Variants in CSMD1 observed in about 807,000 individuals in gnomAD.
CSMD1 encodes CUB and sushi domain-containing protein 1.
A neutral mutation model predicts 417.5 loss-of-function variants in CSMD1; 213 were observed. The ratio of observed to expected loss-of-function variants is 0.51; its 90% confidence interval spans 0.46 to 0.57. The LOEUF (loss-of-function observed/expected upper bound fraction) is 0.57, where lower values mean the gene tolerates loss of function less well. Among genes scored for constraint, CSMD1 ranks in the 20% least tolerant of loss-of-function variants. CSMD1 has a pLI of 0.00. For synonymous variants in CSMD1, 2,862 were observed against 1,736.8 expected (o/e 1.65, Z -16.11); for missense variants, 6,923 against 4,529.7 (o/e 1.53, Z -15.17).
intron 5 of CSMD1, among the ~76,000 whole-genome samples, chr8:3,777,362 T>G (rs1798949215): frequency 6.6e-6 from 1 of 152,222 alleles, no homozygotes; most frequent in African/African-American, 2.4e-5. Context: ...TGCCTCCAGA[T>G]GAGCTAACTG....
At position 3,352,892 on chromosome 8, in the gene CSMD1, G is replaced by A. The variant is rs187308836; in HGVS notation, c.3305-4731C>T. On this transcript the variant is annotated intron_variant, in intron 21 of 69. Transcript: ENST00000635120. Reference sequence around the variant, plus strand: ...CAAACAAAAAACACGAAAACACATGGGGGTATATAACAAAACAAAAAACAC... The same window carrying A: ...CAAACAAAAAACACGAAAACACATGAGGGTATATAACAAAACAAAAAACAC... Among the ~76,000 whole-genome samples, 649 of 151,948 alleles carry A rather than the reference G, an allele frequency of 4.3e-3. 3 individuals carry two copies. Among genetic ancestry groups the A allele is most frequent in the Middle Eastern group, 0.017 (5 of 294 alleles).
intron 1 of CSMD1, among the ~76,000 whole-genome samples, chr8:4,693,292 G>A (rs906760941): frequency 5.9e-5 from 9 of 152,334 alleles, no homozygotes; most frequent in African/African-American, 1.9e-4. Context: ...AGATAGGGAA[G>A]AAGGAATAGC....
At chr8:4,174,516 A>G (rs1797934009) in intron 3 of CSMD1, among the ~76,000 whole-genome samples, 1 of 151,154 alleles carries the variant, frequency 6.6e-6, no homozygotes, top group Non-Finnish European at 1.5e-5. Flanking sequence ...TATATAATAA[A>G]TGACCCCCAT....
intron 1 of CSMD1, among the ~76,000 whole-genome samples, chr8:4,681,214 G>C (rs1820244616): frequency 6.6e-6 from 1 of 152,128 alleles, no homozygotes; most frequent in Non-Finnish European, 1.5e-5. Flanking sequence ...TAGGAAATGA[G>C]AGAGGTCATT....
chr8:4,192,442 C>T (rs571014112), intron 3 of CSMD1, among the ~76,000 whole-genome samples: 2 of 152,238 alleles, frequency 1.3e-5, no homozygotes, highest in African/African-American at 2.4e-5. Flanking sequence ...ATACCTTCCT[C>T]TGTGTGGCTC....
intron 3 of CSMD1, among the ~76,000 whole-genome samples, chr8:4,118,614 G>C (rs1004221750): frequency 5.9e-5 from 9 of 152,198 alleles, no homozygotes; most frequent in African/African-American, 1.9e-4. Flanking sequence ...AGGCTGTGGA[G>C]ACTTAGGAAC....
At chr8:3,947,035 T>C (rs898360772) in intron 5 of CSMD1, among the ~76,000 whole-genome samples, 15 of 152,186 alleles carry the variant, frequency 9.9e-5, no homozygotes, top group Non-Finnish European at 1.8e-4. Context: ...ATTTTTCTTG[T>C]TCATGGCACT....
chr8:3,415,066 T>G (rs1374905315), intron 12 of CSMD1, among the ~76,000 whole-genome samples: 1 of 152,242 alleles, frequency 6.6e-6, no homozygotes, highest in Admixed American at 6.5e-5. Context: ...TAAATTATTG[T>G]TCTTATTAAA....
chr8:3,819,263 C>T (rs1801575952), intron 5 of CSMD1, among the ~76,000 whole-genome samples: 1 of 152,126 alleles, frequency 6.6e-6, no homozygotes, highest in Non-Finnish European at 1.5e-5. Flanking sequence ...TCATACCTTT[C>T]AGTTATAAGG....
At chr8:4,444,995 A>C (rs1798698389) in intron 2 of CSMD1, among the ~76,000 whole-genome samples, 1 of 152,174 alleles carries the variant, frequency 6.6e-6, no homozygotes, top group South Asian at 2.1e-4. Flanking sequence ...CTTCTCTTGC[A>C]TTTGATTTTC....
At chr8:4,178,088 G>C (rs538070257) in intron 3 of CSMD1, among the ~76,000 whole-genome samples, 2 of 152,146 alleles carry the variant, frequency 1.3e-5, no homozygotes, top group African/African-American at 2.4e-5. Flanking sequence ...TATGAGGCCA[G>C]CATCATCCTG....
At position 3,675,156 on chromosome 8, in the gene CSMD1, T is replaced by TCCACATGACTTTCC. The variant is rs573524635; in HGVS notation, c.1009+33257_1009+33258insGGAAAGTCATGTGG. Among the ~76,000 whole-genome samples the TCCACATGACTTTCC allele has an allele frequency of 9.2e-5, 14 of 152,272 alleles. No individual in the cohort carries two copies. The South Asian group carries it at 2.3e-3, about 25-fold the overall frequency. On this transcript the variant is annotated intron_variant, in intron 7 of 69. Transcript: ENST00000635120. ...CCATCATGGCTCAAGTGCCACTTTC[T>TCCACATGACTTTCC]CCACATGTCTTTCCCCACTAGTGGC...
At chr8:3,698,039 G>C (rs1199283990) in intron 7 of CSMD1, among the ~76,000 whole-genome samples, 2 of 147,940 alleles carry the variant, frequency 1.4e-5, no homozygotes, top group Non-Finnish European at 3.0e-5. Flanking sequence ...TATTTTAATA[G>C]ATCCTTTTTT....
chr8:4,778,035 G>C (rs1311029457), intron 1 of CSMD1, among the ~76,000 whole-genome samples: 2 of 152,138 alleles, frequency 1.3e-5, no homozygotes, highest in South Asian at 2.1e-4. Flanking sequence ...GATGGTAGTG[G>C]AGAGTTAAAA....
At chr8:2,976,483 C>T (rs1019165896) in intron 55 of CSMD1, among the ~76,000 whole-genome samples, 1 of 152,076 alleles carries the variant, frequency 6.6e-6, no homozygotes, top group African/African-American at 2.4e-5. Context: ...TGTGCTGGGA[C>T]TATAGGCATG....
At chr8:3,141,857 GC>G (rs979424589) in intron 41 of CSMD1, among the ~76,000 whole-genome samples, 5 of 150,994 alleles carry the variant, frequency 3.3e-5, no homozygotes, top group African/African-American at 7.3e-5. Context: ...GAGTGCAGTG[GC>G]GCGATCTCTC....
intron 49 of CSMD1, among the ~76,000 whole-genome samples, chr8:3,073,189 A>T (rs999874841): frequency 6.6e-6 from 1 of 152,214 alleles, no homozygotes; most frequent in Non-Finnish European, 1.5e-5. Flanking sequence ...ATATGAAAAC[A>T]TATTATTGTT....
chr8:3,455,084 T>G (rs1194286894), intron 12 of CSMD1, among the ~76,000 whole-genome samples: 5 of 152,212 alleles, frequency 3.3e-5, no homozygotes, highest in Non-Finnish European at 5.9e-5. Context: ...ACTGATACCC[T>G]TTCTTTCTAT....
intron 5 of CSMD1, among the ~76,000 whole-genome samples, chr8:3,890,058 T>G (rs1460546885): frequency 6.6e-6 from 1 of 152,144 alleles, no homozygotes; most frequent in African/African-American, 2.4e-5. Context: ...TGAATCCCAA[T>G]TTATCATTGC....
Sources: gnomAD v4.1 joint callset for allele counts (sites outside exome capture counted in the v4.1 genomes callset) on GRCh38, gnomAD v4.1.1 for gene constraint, MANE v1.5 for transcripts, NCBI Gene and HGNC (gene_info 2026-07-23, HGNC 2026-07-21) for gene names.